PDE6G: variants seen among roughly 807,000 people sequenced by gnomAD.
The protein encoded by PDE6G is rod cGMP 3',5'-cyclic phosphodiesterase subunit gamma.
A neutral mutation model predicts 10.9 loss-of-function variants in PDE6G; 10 were observed. The ratio of observed to expected loss-of-function variants is 0.91; its 90% confidence interval spans 0.56 to 1.55. PDE6G has a LOEUF of 1.55. Among genes scored for constraint, PDE6G ranks in the 40% most tolerant of loss-of-function variants. The pLI, the probability that PDE6G is intolerant of heterozygous loss-of-function variation, is 0.00. For synonymous variants in PDE6G, 41 were observed against 42.8 expected (o/e 0.96, Z 0.16); for missense variants, 102 against 110.1 (o/e 0.93, Z 0.33).
At chr17:81,656,349 G>A (rs568929328) in intron 1 of PDE6G, 144 bp downstream of exon 1, 18 of 640,628 alleles carry the variant, frequency 2.8e-5, no homozygotes, top group South Asian at 5.2e-5. Context: ...ACAGGGTGGC[G>A]GGTAGGCATC....
chr17:81,651,803 G>A lies in PDE6G; in HGVS notation c.147-118C>T, dbSNP rs2036360761. On this transcript the variant is annotated intron_variant, in intron 2 of 3. Coordinates refer to ENST00000331056, the MANE Select transcript of PDE6G (RefSeq NM_002602.4). This position sits in a 1 kb window ranked among gnomAD's most constrained non-coding sequence, Gnocchi z 4.8. ...GAGGTGTTTGGCTGGGAGCCCAGTG[G>A]GCAGAGACCCGCCTCCTCCCCAACC... The A allele has an allele frequency of 8.9e-7, 1 of 1,123,866 alleles. No individual in the cohort carries two copies. The highest frequency in any genetic ancestry group is 1.3e-6 in the Non-Finnish European group (1 of 761,644). 69.6% of individuals were successfully genotyped at this position (1,123,866 alleles called of 1,614,324 possible). A position where few individuals can be genotyped will look rare whatever the true frequency, so the allele number is the denominator to read the frequency against.
At chr17:81,655,216 A>C (rs748450306) in intron 1 of PDE6G, among the ~76,000 whole-genome samples, 1 of 152,176 alleles carries the variant, frequency 6.6e-6, no homozygotes, top group Non-Finnish European at 1.5e-5. Context: ...AATGACCCAC[A>C]AAATGGGGGG....
chr17:81,657,065 C>T (rs2036456475), upstream of PDE6G: 1 of 178,662 alleles, frequency 5.6e-6, no homozygotes, highest in South Asian at 1.1e-4. Context: ...AAGCCAGGCC[C>T]CCAGCCAGCC....
chr17:81,659,679 C>T (rs1469779330), upstream of PDE6G, among the ~76,000 whole-genome samples: 2 of 152,186 alleles, frequency 1.3e-5, no homozygotes, highest in Admixed American at 6.6e-5. Flanking sequence ...ATTTTCATAT[C>T]TTCACAATAA....
chr17:81,652,338 G>A (rs1260924720), intron 2 of PDE6G, among the ~76,000 whole-genome samples: 5 of 152,148 alleles, frequency 3.3e-5, no homozygotes, highest in Admixed American at 1.3e-4. Context: ...GTGCAGTGGC[G>A]TGATCTCGGC....
At chr17:81,662,105 C>G (rs921059391) in intron 1 of PDE6G, among the ~76,000 whole-genome samples, 1 of 151,974 alleles carries the variant, frequency 6.6e-6, no homozygotes, top group Non-Finnish European at 1.5e-5. Context: ...CTTTCCTGAC[C>G]AAACCAATGT....
chr17:81,654,655 T>C lies in PDE6G; in HGVS notation c.-59-1291A>G, dbSNP rs556495215. On this transcript the variant is annotated intron_variant, in intron 1 of 3. Transcript: ENST00000331056. ...CCTCGGCCTCCCAAAGTGCAGGGAT[T>C]ACAGGCGTGAGCCACCGCGCCCGGC... is the stretch of plus-strand genomic sequence containing the variant. Among the ~76,000 whole-genome samples, 13 of 152,138 alleles carry C rather than the reference T, an allele frequency of 8.5e-5. 2 individuals are homozygous for C. The South Asian group carries it at 2.7e-3, about 32-fold the overall frequency.
At chr17:81,660,078 T>A (rs917337857), upstream of PDE6G, among the ~76,000 whole-genome samples, 1 of 150,954 alleles carries the variant, frequency 6.6e-6, no homozygotes, top group East Asian at 1.9e-4. Flanking sequence ...AGAGCGAAAC[T>A]TCATCTCAAA....
In PDE6G at chr17:81,650,527, C is replaced by G; in HGVS notation, c.*547G>C. The G allele has an allele frequency of 2.2e-6, 1 of 454,038 alleles. No individual in the cohort carries two copies. Among genetic ancestry groups the G allele is most frequent in the Non-Finnish European group, 4.4e-6 (1 of 226,748 alleles). The allele number at this position is 454,038 out of a possible 1,614,324, so 28.1% of individuals were successfully genotyped here. ...GCAGGCTGTATTGAGAAGGATGGCCCCCTGGTGTGATGAGCTTGGGGCCTC... is the reference window on the plus strand; with the variant it reads ...GCAGGCTGTATTGAGAAGGATGGCCGCCTGGTGTGATGAGCTTGGGGCCTC... On this transcript the variant is annotated 3_prime_UTR_variant, in exon 4 of 4. Transcript: ENST00000331056.
At position 81,650,780 on chromosome 17, in the gene PDE6G, T is replaced by A. The variant is rs1460893434; in HGVS notation, c.*294A>T. The A allele has an allele frequency of 1.9e-6, 1 of 514,650 alleles. No individual in the cohort carries two copies. Among genetic ancestry groups the A allele is most frequent in the African/African-American group, 1.9e-5 (1 of 52,080 alleles). The allele number at this position is 514,650 out of a possible 1,614,324, so 31.9% of individuals were successfully genotyped here. On this transcript the variant is annotated 3_prime_UTR_variant, in exon 4 of 4. Transcript: ENST00000331056. ...TCCCGGGCTGGGGTCCACTTCCCGT[T>A]CTCCCTGGGAGTGGAGACCGACCAA...
chr17:81,655,799 G>A (rs1033041064), intron 1 of PDE6G, among the ~76,000 whole-genome samples: 1 of 152,186 alleles, frequency 6.6e-6, no homozygotes, highest in African/African-American at 2.4e-5. Flanking sequence ...TCCAGCCCTG[G>A]GCTACTACCA....
Position 81,650,796 on chromosome 17 carries a change from G to T in PDE6G, c.*278C>A. 1.8e-6 allele frequency: 1 copy of T among 542,078 alleles called. No homozygotes were observed. The allele number at this position is 542,078 out of a possible 1,614,324, so 33.6% of individuals were successfully genotyped here. ...ACTTCCCGTTCTCCCTGGGAGTGGA[G>T]ACCGACCAAGCCTCTCTGTGGGCAG... On this transcript the variant is annotated 3_prime_UTR_variant, in exon 4 of 4. Transcript: ENST00000331056.
chr17:81,660,666 A>G (rs528551545), upstream of PDE6G, among the ~76,000 whole-genome samples: 16 of 152,156 alleles, frequency 1.1e-4, no homozygotes, highest in East Asian at 2.9e-3. Context: ...TAATTTTTGT[A>G]TTTTTTGTAA....
chr17:81,661,631 C>G (rs929735560), intron 1 of PDE6G, among the ~76,000 whole-genome samples: 10 of 151,988 alleles, frequency 6.6e-5, no homozygotes, highest in African/African-American at 2.4e-4. Flanking sequence ...GAGGCTGAGG[C>G]GGGTGAATCA....
chr17:81,654,548 TTTTC>T (rs1220719954), intron 1 of PDE6G, among the ~76,000 whole-genome samples: 1 of 151,394 alleles, frequency 6.6e-6, no homozygotes, highest in Non-Finnish European at 1.5e-5. Context: ...CCCAGCTAAT[TTTTC>T]TTTGTGTTTT....
In PDE6G at chr17:81,651,369, G is replaced by A. The variant is rs1225273567; in HGVS notation, c.188-219C>T. The stretch of plus-strand genomic sequence containing the variant: ...GGGGAGGGAACCAGAGGAGGGTGGG[G>A]CTTGCTGAAGGGGGAGGAGGCAGCG... On this transcript the variant is annotated intron_variant, in intron 3 of 3. Transcript: ENST00000331056. This position sits in a 1 kb window ranked among gnomAD's most constrained non-coding sequence, Gnocchi z 4.8. Among the ~76,000 whole-genome samples the A allele has an allele frequency of 1.3e-5, 2 of 152,066 alleles. No homozygotes were observed. Among genetic ancestry groups the A allele is most frequent in the African/African-American group, 4.8e-5 (2 of 41,398 alleles).
upstream of PDE6G, chr17:81,656,806 T>G (rs2036453119): frequency 6.6e-6 from 4 of 606,092 alleles, no homozygotes; most frequent in Non-Finnish European, 6.0e-6. Context: ...CCACAGTGTC[T>G]GCTGTCTTGG....
upstream of PDE6G, among the ~76,000 whole-genome samples, chr17:81,657,461 TGAA>T (rs2036461720): frequency 6.6e-6 from 1 of 152,244 alleles, no homozygotes; most frequent in Non-Finnish European, 1.5e-5. Context: ...AGAAAACCTT[TGAA>T]TCCACCTATG....
At chr17:81,660,501 C>T (rs942862050), upstream of PDE6G, among the ~76,000 whole-genome samples, 4 of 152,156 alleles carry the variant, frequency 2.6e-5, no homozygotes, top group African/African-American at 9.7e-5. Context: ...GGAGCTTTCC[C>T]AAAGCGGCTG....
Sources: gnomAD v4.1 joint callset for allele counts (sites outside exome capture counted in the v4.1 genomes callset) on GRCh38, gnomAD v4.1.1 for gene constraint, Gnocchi (gnomAD v3.1) non-coding constraint, MANE v1.5 for transcripts, NCBI Gene and HGNC (gene_info 2026-07-23, HGNC 2026-07-21) for gene names.